CAB39: variants seen among roughly 807,000 people sequenced by gnomAD.
CAB39 encodes the protein calcium binding protein 39, also known as calcium-binding protein 39.
A neutral mutation model predicts 40.0 loss-of-function variants in CAB39; 8 were observed. The ratio of observed to expected loss-of-function variants is 0.20; its 90% CI spans 0.12 to 0.36. The LOEUF (loss-of-function observed/expected upper bound fraction) is 0.36. Ranked by LOEUF, CAB39 falls within the 10% of genes least tolerant of loss-of-function variation. The probability of loss-of-function intolerance (pLI) is 1.00; values close to 1 mark genes in which losing one functional copy is unlikely to be tolerated. For missense variants in CAB39, 270 were observed against 401.1 expected, an observed-to-expected ratio of 0.67 and a Z score of 2.79; for synonymous variants, 156 against 141.6, an observed-to-expected ratio of 1.10 and a Z score of -0.72.
At chr2:230,717,583 A>C (rs7590884) in intron 1 of CAB39, among the ~76,000 whole-genome samples, 54,907 of 152,128 alleles carry the variant, frequency 0.36, 13,710 homozygotes, top group African/African-American at 0.71. Context: ...GTAGAGTAGA[A>C]CAGTCTGTGA....
At chr2:230,766,805 G>A (rs957525941) in intron 2 of CAB39, among the ~76,000 whole-genome samples, 4 of 152,216 alleles carry the variant, frequency 2.6e-5, no homozygotes, top group South Asian at 2.1e-4. Context: ...GGGATTGCAG[G>A]TATGAGCTGC....
intron 2 of CAB39, among the ~76,000 whole-genome samples, chr2:230,781,539 G>C (rs549119858): frequency 1.3e-5 from 2 of 152,196 alleles, no homozygotes; most frequent in East Asian, 1.9e-4. Context: ...TGAGCTGCTC[G>C]CATGAGTGGC....
At chr2:230,765,605 C>G (rs1163847650) in intron 2 of CAB39, among the ~76,000 whole-genome samples, 1 of 151,864 alleles carries the variant, frequency 6.6e-6, no homozygotes, top group Non-Finnish European at 1.5e-5. Flanking sequence ...TGATAGAAGG[C>G]AAGTTTAGTC....
At chr2:230,727,401 T>TGTGTGTGTA (rs1491396666) in intron 1 of CAB39, among the ~76,000 whole-genome samples, 1 of 144,246 alleles carries the variant, frequency 6.9e-6, no homozygotes, top group African/African-American at 2.6e-5. Flanking sequence ...TGTGTGTGTA[T>TGTGTGTGTA]TTTTTTTTCT....
In CAB39 at chr2:230,793,268, C is replaced by G; in HGVS notation, c.335C>G (p.Thr112Arg). 6.2e-7 allele frequency: 1 copy of G among 1,612,496 alleles called. No individual in the cohort carries two copies. The highest frequency in any genetic ancestry group is 1.1e-5 in the South Asian group (1 of 90,928). Residue 112 changes from threonine (T) to arginine (R), a missense_variant, in exon 4 of 9, where the codon ACG becomes AGG. Physicochemically the swap from Thr to Arg is moderately conservative, Grantham distance 71 (BLOSUM62 -1). Transcript: ENST00000258418. ...FNNILRRQIG[T>R]RTPTVEYICT... ...AATATTCTCAGAAGACAAATTGGTA[C>G]GAGAACTCCTACTGTTGAATACATC...
intron 1 of CAB39, among the ~76,000 whole-genome samples, chr2:230,739,651 C>T (rs764660334): frequency 6.6e-5 from 10 of 152,208 alleles, no homozygotes; most frequent in South Asian, 2.1e-4. Context: ...TGCGCCACCA[C>T]GCCCAGCTAA....
At chr2:230,742,379 G>C (rs974257425) in intron 1 of CAB39, among the ~76,000 whole-genome samples, 3 of 152,086 alleles carry the variant, frequency 2.0e-5, no homozygotes, top group African/African-American at 7.2e-5. Flanking sequence ...GTTTCACCGT[G>C]TTAGCCAGGA....
chr2:230,724,382 T>G (rs897781936), intron 1 of CAB39, among the ~76,000 whole-genome samples: 1 of 151,940 alleles, frequency 6.6e-6, no homozygotes, highest in Admixed American at 6.6e-5. Context: ...TGCTGATACA[T>G]TGTTTAAGAC....
intron 4 of CAB39, among the ~76,000 whole-genome samples, chr2:230,794,609 C>G (rs966819319): frequency 1.1e-4 from 17 of 152,160 alleles, no homozygotes; most frequent in African/African-American, 4.1e-4. Context: ...GTTTAGAGCT[C>G]TCACCTGTGC....
At chr2:230,748,596 A>G (rs550349539) in intron 1 of CAB39, among the ~76,000 whole-genome samples, 98 of 151,904 alleles carry the variant, frequency 6.5e-4, no homozygotes, top group African/African-American at 2.3e-3. Context: ...ACTTGAGGCC[A>G]GGAGTTCGAG....
chr2:230,736,988 C>G (rs759852889), intron 1 of CAB39, among the ~76,000 whole-genome samples: 1 of 152,006 alleles, frequency 6.6e-6, no homozygotes, highest in South Asian at 2.1e-4. Flanking sequence ...ACAGTTGGCT[C>G]GAATGGCAAC....
chr2:230,763,930 T>C (rs116234981), intron 2 of CAB39, among the ~76,000 whole-genome samples: 1,715 of 152,222 alleles, frequency 0.011, 41 homozygotes, highest in African/African-American at 0.039. Context: ...GAGACTAGCA[T>C]GACCAACATA....
At chr2:230,740,801 A>G (rs1694863571) in intron 1 of CAB39, among the ~76,000 whole-genome samples, 1 of 152,022 alleles carries the variant, frequency 6.6e-6, no homozygotes, top group Admixed American at 6.5e-5. Flanking sequence ...GACCCGTACC[A>G]CTCCACAGCC....
At position 230,733,011 on chromosome 2, in the gene CAB39, T is replaced by C. The variant is rs181571666; in HGVS notation, c.-44+19781T>C. On this transcript the variant is annotated intron_variant, in intron 1 of 8. Transcript: ENST00000258418. ...ATTTTTTTCAACCAGGACTAACAAA[T>C]ATTTATGTGCAGGTTACCCTGTTGC... is the stretch of plus-strand genomic sequence containing the variant. 1.9e-4 allele frequency among the ~76,000 whole-genome samples: 29 copies of C among 152,232 alleles called. No individual in the cohort carries two copies. In the East Asian group the frequency reaches 5.6e-3, roughly 29 times the overall value.
intron 2 of CAB39, among the ~76,000 whole-genome samples, chr2:230,784,670 C>T (rs1559609860): frequency 2.0e-5 from 3 of 152,098 alleles, no homozygotes; most frequent in African/African-American, 4.8e-5. Flanking sequence ...TCAGCAATTC[C>T]GAATCCTGTG....
At chr2:230,754,294 C>CTTCTTTA (rs1695141690) in intron 1 of CAB39, among the ~76,000 whole-genome samples, 1 of 149,292 alleles carries the variant, frequency 6.7e-6, no homozygotes, top group East Asian at 2.0e-4. Flanking sequence ...TTTTTTCTTT[C>CTTCTTTA]TTCTTTCTTC....
intron 1 of CAB39, among the ~76,000 whole-genome samples, chr2:230,757,981 T>G (rs1178905080): frequency 4.6e-5 from 7 of 152,100 alleles, no homozygotes; most frequent in Admixed American, 4.6e-4. Context: ...ATAGAAAAGT[T>G]ATTTAGAAGT....
At position 230,813,978 on chromosome 2, in the gene CAB39, CTTTTTTTTTTTTTTTTTTTTTT is replaced by C. The variant is rs1160253213; in HGVS notation, c.628-58_628-37del. ...CTAATTTACAATGTTACCTACCAGT[CTTTTTTTTTTTTTTTTTTTTTT>C]TTTTTTTTTTTTGGCAATAACCCTG... On this transcript the variant is annotated intron_variant, in intron 6 of 8. Transcript: ENST00000258418. The C allele has an allele frequency of 1.9e-4, 22 of 113,124 alleles. 1 individual carries two copies. The highest frequency in any genetic ancestry group is 8.7e-4 in the African/African-American group (7 of 8,048). The allele number at this position is 113,124 out of a possible 1,614,324, so 7.0% of individuals were successfully genotyped here. A position where few individuals can be genotyped will look rare whatever the true frequency, so the allele number is the denominator to read the frequency against.
chr2:230,765,211 G>A (rs960266039), intron 2 of CAB39, among the ~76,000 whole-genome samples: 27 of 152,098 alleles, frequency 1.8e-4, no homozygotes, highest in South Asian at 2.1e-4. Context: ...GGATGGTCTC[G>A]ATCTCCTGAC....
Sources: allele counts gnomAD v4.1 joint callset (sites outside exome capture counted in the v4.1 genomes callset), GRCh38; gene constraint gnomAD v4.1.1; transcripts MANE v1.5; gene names NCBI Gene and HGNC (gene_info 2026-07-23, HGNC 2026-07-21).